The following PTPN21 variants were observed in gnomAD, a reference collection of about 807,000 sequenced individuals.
PTPN21 encodes the protein tyrosine-protein phosphatase non-receptor type 21.
A neutral mutation model predicts 131.8 loss-of-function variants in PTPN21; 77 were observed. The ratio of observed to expected loss-of-function variants is 0.58; its 90% CI spans 0.49 to 0.71. PTPN21 has a LOEUF of 0.71. PTPN21 is among the 30% of genes least tolerant of loss of function. The pLI is 0.00. For missense variants in PTPN21, 1,552 were observed against 1,527.1 expected (o/e 1.02, Z -0.27); for synonymous variants, 715 against 621.3 (o/e 1.15, Z -2.24).
chr14:88,545,272 G>A (rs987700517), intron 2 of PTPN21, among the ~76,000 whole-genome samples: 2 of 152,174 alleles, frequency 1.3e-5, no homozygotes, highest in African/African-American at 4.8e-5. Context: ...CACATACCTG[G>A]GACCCTTGGC....
intron 13 of PTPN21, among the ~76,000 whole-genome samples, chr14:88,477,105 T>C (rs1185406990): frequency 6.6e-6 from 1 of 151,826 alleles, no homozygotes; most frequent in Non-Finnish European, 1.5e-5. Context: ...CAGGTAGAGT[T>C]ACTTTGGAAA....
intron 7 of PTPN21, 40 bp from the exon 8 acceptor site, chr14:88,500,911 G>GTTCCTCTGC: frequency 7.0e-7 from 1 of 1,438,072 alleles, no homozygotes; most frequent in Non-Finnish European, 9.8e-7. Context: ...CCAGGAAGCA[G>GTTCCTCTGC]ATGCAGAGGA....
At chr14:88,499,914 A>G (rs921516642) in intron 8 of PTPN21, among the ~76,000 whole-genome samples, 1 of 152,170 alleles carries the variant, frequency 6.6e-6, no homozygotes, top group Non-Finnish European at 1.5e-5. Flanking sequence ...AGGAAATTAA[A>G]ATCACCTGTA....
At chr14:88,484,213 A>AT (rs58568578) in intron 12 of PTPN21, among the ~76,000 whole-genome samples, 2,722 of 88,872 alleles carry the variant, frequency 0.031, 30 homozygotes, top group African/African-American at 0.035. Context: ...ACGCCCAGCT[A>AT]TTTTTTTTTT....
In PTPN21 at chr14:88,479,847, G is replaced by A. The variant is rs753685067; in HGVS notation, c.1584C>T (p.Ala528=). The change falls in exon 13 of 19, where the codon GCC becomes GCT. Residue 528 remains alanine, a synonymous_variant. Coordinates refer to ENST00000556564, the MANE Select transcript of PTPN21 (RefSeq NM_007039.4). Reference sequence around the variant, plus strand: ...CCGCGCCCACCACGGGCCGCCGCTCGGCAGGGTAGGGGTAGGGAGACGGGC... The same window carrying A: ...CCGCGCCCACCACGGGCCGCCGCTCAGCAGGGTAGGGGTAGGGAGACGGGC... ...FHSPSPYPYP[A]ERRPVVGAVS... is the part of the protein sequence containing the mutation. 3.2e-6 allele frequency: 5 copies of A among 1,558,170 alleles called. No homozygotes were observed. The East Asian group carries it at 6.7e-5, about 21-fold the overall frequency.
At chr14:88,499,710 T>C (rs932799761) in intron 8 of PTPN21, among the ~76,000 whole-genome samples, 4 of 152,170 alleles carry the variant, frequency 2.6e-5, no homozygotes, top group Admixed American at 6.5e-5. Context: ...CAACAAATGG[T>C]AGACACAAAG....
intron 12 of PTPN21, among the ~76,000 whole-genome samples, chr14:88,484,049 T>G (rs1317897896): frequency 1.4e-5 from 2 of 145,524 alleles, no homozygotes; most frequent in Admixed American, 6.8e-5. Flanking sequence ...TCTAAGGTGT[T>G]TTTTTTTTTT....
intron 3 of PTPN21, among the ~76,000 whole-genome samples, chr14:88,512,133 G>A (rs1392905896): frequency 6.6e-6 from 1 of 152,074 alleles, no homozygotes. Context: ...TGCCTACCAC[G>A]TTTTCTGCAT....
chr14:88,478,688 T>G (rs1010802179), intron 13 of PTPN21, among the ~76,000 whole-genome samples: 1 of 152,244 alleles, frequency 6.6e-6, no homozygotes, highest in African/African-American at 2.4e-5. Context: ...AATTTACCTT[T>G]TCACTTCATC....
chr14:88,488,285 C>T (rs932040231), intron 10 of PTPN21, among the ~76,000 whole-genome samples: 2 of 152,152 alleles, frequency 1.3e-5, no homozygotes, highest in African/African-American at 4.8e-5. Flanking sequence ...AGCACATGGG[C>T]GGCCCTCCCA....
rs386382090 is a variant in PTPN21 at position 88,495,013 on chromosome 14, CAA to C, written c.932+1398_932+1399del. On this transcript the variant is annotated intron_variant, in intron 10 of 18. Coordinates refer to ENST00000556564, the MANE Select transcript of PTPN21 (RefSeq NM_007039.4). The stretch of plus-strand genomic sequence containing the variant: ...GGGTGACAGAGCGAGACTCTGTCTC[CAA>C]AAAAAAAAAAAAAAAAAAAAAAAAG... Among the ~76,000 whole-genome samples the C allele has an allele frequency of 6.4e-3, 313 of 49,100 alleles. 2 individuals carry two copies. Among genetic ancestry groups the C allele is most frequent in the African/African-American group, 0.018 (263 of 14,544 alleles). 32.2% of individuals were successfully genotyped at this position (49,100 alleles called of 152,430 possible).
At chr14:88,486,207 T>A (rs2077729912) in intron 10 of PTPN21, among the ~76,000 whole-genome samples, 1 of 152,184 alleles carries the variant, frequency 6.6e-6, no homozygotes, top group Non-Finnish European at 1.5e-5. Flanking sequence ...CAGGAGAAGC[T>A]GGATTCAGTG....
chr14:88,489,483 A>T (rs982130946), intron 10 of PTPN21, among the ~76,000 whole-genome samples: 5 of 147,394 alleles, frequency 3.4e-5, no homozygotes, highest in African/African-American at 1.2e-4. Flanking sequence ...CTAAAAAACT[A>T]AAAAAAAAAA....
chr14:88,511,337 T>C (rs1031247474), intron 3 of PTPN21, among the ~76,000 whole-genome samples: 17 of 152,192 alleles, frequency 1.1e-4, no homozygotes, highest in Admixed American at 2.0e-4. Flanking sequence ...AAAATTTCTA[T>C]ATATTGGTGG....
rs1317615429 is a variant in PTPN21 at position 88,485,851 on chromosome 14, T to C, written c.933-9A>G. ...TGACAGTCTGAGTTTGCCTATAAAA[T>C]AGGATGACTCTGAGAAGAGCACATA... On this transcript the variant is annotated splice_polypyrimidine_tract_variant and intron_variant, in intron 10 of 18. Coordinates refer to ENST00000556564, the MANE Select transcript of PTPN21 (RefSeq NM_007039.4). 7 of 1,584,808 alleles carry C rather than the reference T, an allele frequency of 4.4e-6. No homozygotes were observed. In the East Asian group the frequency reaches 1.3e-4, roughly 30 times the overall value.
chr14:88,532,029 G>A (rs2078561327), intron 2 of PTPN21, among the ~76,000 whole-genome samples: 1 of 151,688 alleles, frequency 6.6e-6, no homozygotes, highest in African/African-American at 2.4e-5. Flanking sequence ...CCTGGAAATA[G>A]ACAACTCTCC....
Position 88,480,096 on chromosome 14 carries a change from G to T in PTPN21, c.1335C>A (p.Tyr445Ter). Residue 445 changes from tyrosine (Y) to a stop codon, truncating the protein, a stop_gained, in exon 13 of 19, where the codon TAC becomes TAA. Transcript: ENST00000556564. LOFTEE classifies it high-confidence loss of function. ...HRHSAVIPPS[Y>*]RPTPDYETVM... is the part of the protein sequence containing the mutation. ...CAGTCTCATAGTCTGGGGTGGGGCG[G>T]TAGGACGGGGGTATCACGGCGCTGT... is the stretch of plus-strand genomic sequence containing the variant. The T allele has an allele frequency of 1.2e-6, 2 of 1,614,196 alleles. No homozygotes were observed. The highest frequency in any genetic ancestry group is 1.7e-6 in the Non-Finnish European group (2 of 1,180,048).
At chr14:88,468,510 T>C (rs2077401546) in intron 18 of PTPN21, among the ~76,000 whole-genome samples, 2 of 152,176 alleles carry the variant, frequency 1.3e-5, no homozygotes, top group Non-Finnish European at 1.5e-5. Flanking sequence ...TGACTTTGTA[T>C]GGTTGGACAT....
chr14:88,480,776 C>G (rs139231519), intron 12 of PTPN21, among the ~76,000 whole-genome samples: 1 of 152,158 alleles, frequency 6.6e-6, no homozygotes, highest in African/African-American at 2.4e-5. Flanking sequence ...ATTTCCTTAA[C>G]TGGAAATTTT....
Sources: allele counts gnomAD v4.1 joint callset (sites outside exome capture counted in the v4.1 genomes callset), GRCh38; gene constraint gnomAD v4.1.1; transcripts MANE v1.5; gene names NCBI Gene and HGNC (gene_info 2026-07-23, HGNC 2026-07-21).